Variants in TMT1A observed in about 807,000 individuals in gnomAD.
TMT1A encodes the protein thiol methyltransferase 1A.
At chr12:50,928,139 A>G in the TMT1A span, among the ~76,000 whole-genome samples, 169 of 152,274 alleles carry the variant, frequency 1.1e-3, 1 homozygote, top group African/African-American at 3.9e-3. Flanking sequence ...GCAAATGCAA[A>G]TATTCTTACC....
chr12:50,931,922 C>A, the TMT1A span: 1 of 152,138 alleles, frequency 6.6e-6, no homozygotes, highest in African/African-American at 2.4e-5. Flanking sequence ...CTTAGCGTCA[C>A]TGGTCTGGCT....
At chr12:50,929,857 TA>T in the TMT1A span, 1 of 1,509,568 alleles carries the variant, frequency 6.6e-7, no homozygotes, top group Non-Finnish European at 9.0e-7. Context: ...AAAAATAAAT[TA>T]AAAAAGCAGA....
At chr12:50,926,924 G>A in the TMT1A span, among the ~76,000 whole-genome samples, 3 of 152,174 alleles carry the variant, frequency 2.0e-5, no homozygotes, top group Admixed American at 6.6e-5. Flanking sequence ...TTTTTAGCTA[G>A]TTTAAAATCG....
chr12:50,929,623 GAATAA>G, the TMT1A span, among the ~76,000 whole-genome samples: 2 of 152,196 alleles, frequency 1.3e-5, no homozygotes, highest in African/African-American at 4.8e-5. Context: ...TCCACTGACT[GAATAA>G]AATACCTAAT....
chr12:50,928,776 T>A, the TMT1A span, among the ~76,000 whole-genome samples: 1 of 152,070 alleles, frequency 6.6e-6, no homozygotes, highest in Non-Finnish European at 1.5e-5. Flanking sequence ...AATCTAAACA[T>A]CTATCCCAGG....
the TMT1A span, among the ~76,000 whole-genome samples, chr12:50,927,026 T>C: frequency 2.0e-5 from 3 of 152,192 alleles, no homozygotes; most frequent in African/African-American, 7.2e-5. Context: ...TCCCCAGTTT[T>C]CATTTTTTGT....
At chr12:50,930,221 G>C in the TMT1A span, 4 of 1,278,792 alleles carry the variant, frequency 3.1e-6, no homozygotes, top group South Asian at 4.9e-5. Context: ...AAAATGCTAA[G>C]TGGGAGAAGA....
chr12:50,927,611 GT>G, the TMT1A span, among the ~76,000 whole-genome samples: 1 of 152,144 alleles, frequency 6.6e-6, no homozygotes, highest in Non-Finnish European at 1.5e-5. Context: ...AACTCTTAAA[GT>G]TATCACATTC....
the TMT1A span, among the ~76,000 whole-genome samples, chr12:50,927,123 A>G: frequency 2.0e-5 from 3 of 152,102 alleles, no homozygotes; most frequent in Non-Finnish European, 4.4e-5. Flanking sequence ...GGACTCAAGC[A>G]ATCTTTCCGT....
chr12:50,930,498 G>C, the TMT1A span: 1 of 166,208 alleles, frequency 6.0e-6, no homozygotes, highest in South Asian at 1.6e-4. Context: ...GGCTGGTCTT[G>C]AACTCCTGAT....
At chr12:50,930,237 C>T in the TMT1A span, 34 of 1,063,752 alleles carry the variant, frequency 3.2e-5, no homozygotes, top group Admixed American at 1.0e-4. Context: ...GAAGAGAAAC[C>T]TTTTTTTTGG....
At chr12:50,930,434 C>G in the TMT1A span, 2 of 233,890 alleles carry the variant, frequency 8.6e-6, no homozygotes, top group African/African-American at 4.6e-5. Flanking sequence ...TGCCCACCAC[C>G]ATGCCCAGCT....
At chr12:50,926,457 C>G in the TMT1A span, among the ~76,000 whole-genome samples, 1 of 152,090 alleles carries the variant, frequency 6.6e-6, no homozygotes, top group Non-Finnish European at 1.5e-5. Flanking sequence ...CTCTTTTATC[C>G]ACATGCAAAA....
At chr12:50,927,194 G>GT in the TMT1A span, among the ~76,000 whole-genome samples, 1 of 151,990 alleles carries the variant, frequency 6.6e-6, no homozygotes, top group Admixed American at 6.6e-5. Flanking sequence ...CACCCAGCTA[G>GT]TTTTTGTATT....
the TMT1A span, chr12:50,930,253 G>A: frequency 6.8e-4 from 614 of 906,926 alleles, 6 homozygotes; most frequent in African/African-American, 9.4e-3. Flanking sequence ...TTTGGGGGGC[G>A]GTTTTTTTGG....
chr12:50,926,476 A>G, the TMT1A span, among the ~76,000 whole-genome samples: 26 of 152,214 alleles, frequency 1.7e-4, no homozygotes, highest in African/African-American at 6.0e-4. Context: ...AAACTTGTCC[A>G]TACACAAGAA....
At chr12:50,925,306 C>T in the TMT1A span, 7 of 1,614,100 alleles carry the variant, frequency 4.3e-6, no homozygotes, top group Admixed American at 1.2e-4. Context: ...GTTCTACCCA[C>T]CTGGGTGCAG....
the TMT1A span, chr12:50,930,028 A>C: frequency 1.2e-6 from 2 of 1,614,116 alleles, no homozygotes; most frequent in South Asian, 1.1e-5. Flanking sequence ...GTGCAACCTG[A>C]CCAGAGAGAG....
the TMT1A span, chr12:50,929,996 C>A: frequency 1.2e-6 from 2 of 1,614,054 alleles, no homozygotes; most frequent in African/African-American, 2.7e-5. Flanking sequence ...CTGGATCCTG[C>A]CTGGCACCTT....
Sources: gnomAD v4.1 joint callset for allele counts (sites outside exome capture counted in the v4.1 genomes callset) on GRCh38, gnomAD v4.1.1 for gene constraint, MANE v1.5 for transcripts, NCBI Gene and HGNC (gene_info 2026-07-23, HGNC 2026-07-21) for gene names.